The following NLK variants were observed in gnomAD, a reference collection of about 807,000 sequenced individuals.
NLK encodes the protein nemo like kinase, also known as serine/threonine-protein kinase NLK.
Under a neutral mutation model 59.0 loss-of-function variants are expected in NLK, and 11 were observed. The ratio of observed to expected loss-of-function variants is 0.19; its 90% CI spans 0.12 to 0.31. The LOEUF (loss-of-function observed/expected upper bound fraction) is 0.31, where lower values mean the gene tolerates loss of function less well. Ranked by LOEUF, NLK falls within the 10% of genes least tolerant of loss-of-function variation. The pLI is 1.00. For synonymous variants in NLK, 235 were observed against 235.9 expected, an observed-to-expected ratio of 1.00 and a Z score of 0.03; for missense variants, 410 against 661.1, an observed-to-expected ratio of 0.62 and a Z score of 4.16.
chr17:28,147,776 T>A (rs1228444151), intron 3 of NLK, among the ~76,000 whole-genome samples: 1 of 152,172 alleles, frequency 6.6e-6, no homozygotes, highest in Admixed American at 6.5e-5. Context: ...TGATAACGTT[T>A]TCTTCCTCAG....
intron 7 of NLK, among the ~76,000 whole-genome samples, chr17:28,177,344 T>C (rs1908724733): frequency 6.6e-6 from 1 of 152,224 alleles, no homozygotes; most frequent in Non-Finnish European, 1.5e-5. Flanking sequence ...ATGTGTCAAA[T>C]TAATGTATTT....
intron 1 of NLK, among the ~76,000 whole-genome samples, chr17:28,095,004 C>T (rs1904649437): frequency 6.6e-6 from 1 of 152,110 alleles, no homozygotes; most frequent in South Asian, 2.1e-4. Context: ...TGACCTAGCT[C>T]CAGTTTTCAT....
At chr17:28,166,261 G>A (rs1908232948) in intron 5 of NLK, among the ~76,000 whole-genome samples, 1 of 152,002 alleles carries the variant, frequency 6.6e-6, no homozygotes, top group Non-Finnish European at 1.5e-5. Flanking sequence ...GATGAACTCG[G>A]GCTTTTGTTG....
At chr17:28,047,780 C>T in intron 1 of NLK, 1 of 388,756 alleles carries the variant, frequency 2.6e-6, no homozygotes, top group Non-Finnish European at 4.5e-6. Flanking sequence ...TTTGTCTGGT[C>T]CTCTTACTCC....
downstream of NLK, among the ~76,000 whole-genome samples, chr17:28,199,539 G>A (rs934902656): frequency 1.3e-5 from 2 of 151,536 alleles, no homozygotes; most frequent in African/African-American, 2.4e-5. Flanking sequence ...GGTGATGGGC[G>A]CCTATAGTTC....
chr17:28,051,479 C>T (rs1405441043), intron 1 of NLK, among the ~76,000 whole-genome samples: 1 of 151,920 alleles, frequency 6.6e-6, no homozygotes, highest in East Asian at 1.9e-4. Context: ...CTGCCTCAGC[C>T]TCCCGAGTAG....
At chr17:28,110,781 CATT>C (rs1905433336) in intron 1 of NLK, among the ~76,000 whole-genome samples, 1 of 152,084 alleles carries the variant, frequency 6.6e-6, no homozygotes, top group African/African-American at 2.4e-5. Flanking sequence ...CCTGTTGAGT[CATT>C]GTCACCATAT....
At chr17:28,066,341 T>C (rs945562418) in intron 1 of NLK, among the ~76,000 whole-genome samples, 3 of 152,358 alleles carry the variant, frequency 2.0e-5, no homozygotes. Flanking sequence ...TTTCTACATA[T>C]ACCATATACC....
At chr17:28,190,683 A>T (rs2142073413) in intron 8 of NLK, among the ~76,000 whole-genome samples, 1 of 152,228 alleles carries the variant, frequency 6.6e-6, no homozygotes, top group South Asian at 2.1e-4. Context: ...TAAAAGGTAA[A>T]CGTAACCCCT....
intron 7 of NLK, among the ~76,000 whole-genome samples, chr17:28,180,789 T>A (rs544914731): frequency 2.7e-4 from 41 of 152,188 alleles, no homozygotes; most frequent in African/African-American, 9.4e-4. Flanking sequence ...ACAGTAAAAA[T>A]TTTTCAGGAA....
intron 1 of NLK, among the ~76,000 whole-genome samples, chr17:28,067,196 G>GT (rs1017920432): frequency 1.3e-5 from 2 of 152,042 alleles, no homozygotes; most frequent in African/African-American, 2.4e-5. Flanking sequence ...AGAATTCTGC[G>GT]TTTTCTTCTA....
At chr17:28,112,545 A>G (rs1432943429) in intron 1 of NLK, among the ~76,000 whole-genome samples, 2 of 152,222 alleles carry the variant, frequency 1.3e-5, no homozygotes, top group African/African-American at 4.8e-5. Context: ...TGGAGTCCCA[A>G]AATGGCTGTT....
At chr17:28,148,852 T>C (rs953737953) in intron 3 of NLK, among the ~76,000 whole-genome samples, 2 of 152,206 alleles carry the variant, frequency 1.3e-5, no homozygotes, top group African/African-American at 4.8e-5. Flanking sequence ...CTTGGGTGGA[T>C]TGAGCAGTTA....
chr17:28,107,528 A>G (rs955761320), intron 1 of NLK, among the ~76,000 whole-genome samples: 3 of 152,166 alleles, frequency 2.0e-5, no homozygotes, highest in Admixed American at 2.0e-4. Flanking sequence ...GCAGACAGGT[A>G]TGGTGCCTAC....
At chr17:28,120,548 C>T (rs2142816592) in intron 1 of NLK, among the ~76,000 whole-genome samples, 1 of 152,174 alleles carries the variant, frequency 6.6e-6, no homozygotes, top group South Asian at 2.1e-4. Context: ...CCCAAGAGTT[C>T]CAAGCTGCAG....
intron 7 of NLK, among the ~76,000 whole-genome samples, chr17:28,184,877 G>A (rs1430234291): frequency 6.6e-6 from 1 of 152,222 alleles, no homozygotes; most frequent in Non-Finnish European, 1.5e-5. Flanking sequence ...GAACCTGGAA[G>A]GCGGAGGTTG....
the NLK span, among the ~76,000 whole-genome samples, chr17:28,205,007 G>C: frequency 6.6e-6 from 1 of 152,184 alleles, no homozygotes; most frequent in South Asian, 2.1e-4. Context: ...AATGACTCAG[G>C]TCATTGGTGG....
At chr17:28,186,758 T>C (rs1176271236) in intron 8 of NLK, among the ~76,000 whole-genome samples, 2 of 152,098 alleles carry the variant, frequency 1.3e-5, no homozygotes, top group African/African-American at 4.8e-5. Context: ...TTCAGTTACC[T>C]CCTAGGTCCC....
intron 7 of NLK, among the ~76,000 whole-genome samples, chr17:28,174,861 TC>T (rs1391830791): frequency 2.0e-5 from 3 of 152,124 alleles, no homozygotes; most frequent in Admixed American, 2.0e-4. Context: ...ATGATGCATA[TC>T]CTGTGTGCCT....
Sources: gnomAD v4.1 joint callset for allele counts (sites outside exome capture counted in the v4.1 genomes callset) on GRCh38, gnomAD v4.1.1 for gene constraint, MANE v1.5 for transcripts, NCBI Gene and HGNC (gene_info 2026-07-23, HGNC 2026-07-21) for gene names.